The following CHODL variants were observed in gnomAD, a reference collection of about 807,000 sequenced individuals.
The protein encoded by CHODL is transmembrane protein MT75.
A neutral mutation model predicts 34.5 loss-of-function variants in CHODL; 29 were observed. The observed-to-expected ratio is 0.84, with a 90% CI of 0.63 to 1.15. The LOEUF (loss-of-function observed/expected upper bound fraction) is 1.15. Ranked by LOEUF, CHODL falls within the 50% of genes most tolerant of loss-of-function variation. The pLI is 0.00. For missense variants in CHODL, 332 were observed against 332.5 expected (o/e 1.00, Z 0.01); for synonymous variants, 125 against 116.1 (o/e 1.08, Z -0.49).
chr21:18,025,730 G>A (rs868317898), intron 1 of CHODL, among the ~76,000 whole-genome samples: 10 of 152,070 alleles, frequency 6.6e-5, no homozygotes, highest in African/African-American at 1.4e-4. Context: ...AGAAGGCTGC[G>A]ATCAAAGTGT....
chr21:18,184,942 CT>C (rs1315379223), intron 2 of CHODL, among the ~76,000 whole-genome samples: 1 of 152,192 alleles, frequency 6.6e-6, no homozygotes, highest in Non-Finnish European at 1.5e-5. Context: ...CTCACAGCCT[CT>C]TTTCTTGGTT....
At chr21:17,938,645 A>G (rs2063338596) in intron 1 of CHODL, among the ~76,000 whole-genome samples, 1 of 151,732 alleles carries the variant, frequency 6.6e-6, no homozygotes, top group Admixed American at 6.6e-5. Flanking sequence ...CGCCTGGCTA[A>G]TGTTTTGTAT....
chr21:18,209,572 A>G (rs913789629), intron 2 of CHODL, among the ~76,000 whole-genome samples: 1 of 151,254 alleles, frequency 6.6e-6, no homozygotes, highest in African/African-American at 2.4e-5. Flanking sequence ...TACTCTTTCC[A>G]CTCCTTTTCT....
At chr21:17,935,782 G>T (rs540310788) in intron 1 of CHODL, among the ~76,000 whole-genome samples, 17 of 152,290 alleles carry the variant, frequency 1.1e-4, no homozygotes, top group Admixed American at 7.2e-4. Flanking sequence ...GAGAAAGATT[G>T]TATCTTCTGA....
chr21:18,239,994 T>C (rs2074066410), upstream of CHODL, among the ~76,000 whole-genome samples: 2 of 152,078 alleles, frequency 1.3e-5, no homozygotes, highest in Admixed American at 1.3e-4. Flanking sequence ...TAAGCTTTTT[T>C]TTCTTTAGTG....
chr21:18,008,917 T>C (rs1379584885), intron 1 of CHODL, among the ~76,000 whole-genome samples: 3 of 152,228 alleles, frequency 2.0e-5, no homozygotes, highest in Non-Finnish European at 4.4e-5. Context: ...CTCTGATTAC[T>C]GATGTTTTAA....
chr21:18,061,511 T>C (rs1170757252), intron 2 of CHODL, among the ~76,000 whole-genome samples: 1 of 152,064 alleles, frequency 6.6e-6, no homozygotes, highest in Non-Finnish European at 1.5e-5. Context: ...GGAAAGTCAT[T>C]GTCAATTTCA....
intron 2 of CHODL, among the ~76,000 whole-genome samples, chr21:18,038,285 A>G (rs2064334445): frequency 6.6e-6 from 1 of 151,738 alleles, no homozygotes; most frequent in Non-Finnish European, 1.5e-5. Flanking sequence ...CCCAATGTAT[A>G]AGGGCTCAGA....
intron 1 of CHODL, 65 bp downstream of exon 1, chr21:18,245,367 G>C: frequency 7.3e-7 from 1 of 1,360,554 alleles, no homozygotes; most frequent in Non-Finnish European, 9.8e-7. Flanking sequence ...GCGGCGGGCA[G>C]CCTGTTCTCG....
intron 1 of CHODL, among the ~76,000 whole-genome samples, chr21:18,005,916 T>G (rs1243269267): frequency 6.6e-6 from 1 of 152,154 alleles, no homozygotes; most frequent in African/African-American, 2.4e-5. Context: ...AATCTCATCT[T>G]GAATTGTAAC....
intron 1 of CHODL, among the ~76,000 whole-genome samples, chr21:18,248,717 CATATATATGTATATAATATATATGTATA>C (rs2074184361): frequency 9.1e-6 from 1 of 110,108 alleles, no homozygotes; most frequent in African/African-American, 3.9e-5. Flanking sequence ...ATAATATATA[CATATATATGTATATAATATATATGTATA>C]ATATATATGT....
At chr21:18,074,650 T>G (rs2064844276) in intron 2 of CHODL, among the ~76,000 whole-genome samples, 2 of 152,040 alleles carry the variant, frequency 1.3e-5, no homozygotes, top group Non-Finnish European at 2.9e-5. Flanking sequence ...CCCCTAAAAT[T>G]TTTTCTTACT....
At chr21:18,125,529 C>T (rs2065531347) in intron 2 of CHODL, among the ~76,000 whole-genome samples, 1 of 151,822 alleles carries the variant, frequency 6.6e-6, no homozygotes, top group Non-Finnish European at 1.5e-5. Flanking sequence ...TTAATATTCA[C>T]AAGCAATATA....
chr21:17,923,665 G>T (rs1451499044), intron 1 of CHODL, among the ~76,000 whole-genome samples: 3 of 152,046 alleles, frequency 2.0e-5, no homozygotes, highest in Non-Finnish European at 2.9e-5. Flanking sequence ...GTTTCACCAT[G>T]TTGGTCAGGC....
chr21:18,199,342 T>G (rs181252465), intron 2 of CHODL, among the ~76,000 whole-genome samples: 14 of 152,248 alleles, frequency 9.2e-5, no homozygotes, highest in Admixed American at 9.2e-4. Context: ...CAGTTTTAGA[T>G]TTATGGAAAA....
intron 1 of CHODL, among the ~76,000 whole-genome samples, chr21:17,958,902 G>T (rs1345394431): frequency 1.3e-5 from 2 of 151,962 alleles, no homozygotes; most frequent in African/African-American, 4.8e-5. Flanking sequence ...TTGCAAGATT[G>T]GGGGACTCAG....
intron 1 of CHODL, among the ~76,000 whole-genome samples, chr21:17,989,758 C>T (rs1012173021): frequency 1.3e-5 from 2 of 152,116 alleles, no homozygotes; most frequent in Non-Finnish European, 2.9e-5. Context: ...TTACAATCCA[C>T]GTAAACACAT....
intron 1 of CHODL, among the ~76,000 whole-genome samples, chr21:18,025,698 G>A (rs1353959659): frequency 1.3e-5 from 2 of 151,976 alleles, no homozygotes; most frequent in Non-Finnish European, 1.5e-5. Context: ...CAGAAATTTA[G>A]TTTCTCACAG....
intron 2 of CHODL, among the ~76,000 whole-genome samples, chr21:18,181,671 T>C (rs188422171): frequency 5.8e-4 from 88 of 152,302 alleles, no homozygotes; most frequent in African/African-American, 2.1e-3. Flanking sequence ...ATTACAGGCG[T>C]GAGCCACCGC....
Sources: allele counts gnomAD v4.1 joint callset (sites outside exome capture counted in the v4.1 genomes callset), GRCh38; gene constraint gnomAD v4.1.1; transcripts MANE v1.5; gene names NCBI Gene and HGNC (gene_info 2026-07-23, HGNC 2026-07-21).